Variants in HS3ST5 observed in about 807,000 individuals in gnomAD.
The protein encoded by HS3ST5 is heparan sulfate glucosamine 3-O-sulfotransferase 5.
In HS3ST5, 10 loss-of-function variants were observed where a neutral mutation model predicts 25.4. That is an observed-to-expected ratio of 0.39 (90% CI 0.24 to 0.67). HS3ST5 has a LOEUF of 0.67. Among genes scored for constraint, HS3ST5 ranks in the 30% least tolerant of loss-of-function variants. The pLI, the probability that HS3ST5 is intolerant of heterozygous loss-of-function variation, is 0.44. For synonymous variants in HS3ST5, 170 were observed against 162.4 expected (o/e 1.05, Z -0.36); for missense variants, 324 against 420.7 (o/e 0.77, Z 2.01).
At chr6:114,313,212 A>G (rs1775610056) in intron 1 of HS3ST5, among the ~76,000 whole-genome samples, 1 of 152,120 alleles carries the variant, frequency 6.6e-6, no homozygotes, top group South Asian at 2.1e-4. Context: ...ATACCAAGAT[A>G]TTGGAGATGA....
At chr6:114,195,728 T>G (rs1391559481) in intron 2 of HS3ST5, among the ~76,000 whole-genome samples, 1 of 152,096 alleles carries the variant, frequency 6.6e-6, no homozygotes, top group Non-Finnish European at 1.5e-5. Context: ...AAGAGTGAAC[T>G]TCAGTTGGAG....
chr6:114,330,804 G>A (rs944915654), intron 1 of HS3ST5, among the ~76,000 whole-genome samples: 8 of 152,058 alleles, frequency 5.3e-5, no homozygotes, highest in South Asian at 2.1e-4. Flanking sequence ...TGCAACATGC[G>A]TCATTACCAG....
chr6:114,285,999 C>A (rs919552084), intron 1 of HS3ST5, among the ~76,000 whole-genome samples: 1 of 151,554 alleles, frequency 6.6e-6, no homozygotes, highest in Non-Finnish European at 1.5e-5. Flanking sequence ...GAAATATACA[C>A]GTATGGAAAG....
At chr6:114,125,147 T>A (rs958011224) in intron 3 of HS3ST5, among the ~76,000 whole-genome samples, 27 of 152,184 alleles carry the variant, frequency 1.8e-4, no homozygotes, top group Admixed American at 5.2e-4. Flanking sequence ...TGATTTTTTT[T>A]AAATACAAAA....
intron 2 of HS3ST5, chr6:114,178,634 C>T (rs1424130398): frequency 2.0e-5 from 3 of 152,130 alleles, no homozygotes; most frequent in Non-Finnish European, 4.4e-5. Flanking sequence ...GTTTTAACAC[C>T]TGTTTTCTTT....
At chr6:114,331,321 AG>A (rs746998059) in intron 1 of HS3ST5, among the ~76,000 whole-genome samples, 10 of 152,238 alleles carry the variant, frequency 6.6e-5, no homozygotes, top group Non-Finnish European at 1.0e-4. Flanking sequence ...TATAACTAAA[AG>A]TACAGAGAAT....
intron 1 of HS3ST5, among the ~76,000 whole-genome samples, chr6:114,267,308 T>C (rs1773448221): frequency 6.6e-6 from 1 of 152,212 alleles, no homozygotes; most frequent in South Asian, 2.1e-4. Context: ...CGGAATCTGT[T>C]AGATGAAAAT....
At chr6:114,072,407 G>A (rs1650032873) in intron 3 of HS3ST5, among the ~76,000 whole-genome samples, 1 of 152,084 alleles carries the variant, frequency 6.6e-6, no homozygotes, top group South Asian at 2.1e-4. Flanking sequence ...GAAGCCAGTT[G>A]TTAAAGTCAT....
intron 1 of HS3ST5, among the ~76,000 whole-genome samples, chr6:114,246,422 G>A (rs539401946): frequency 7.2e-5 from 11 of 152,276 alleles, no homozygotes; most frequent in African/African-American, 2.6e-4. Context: ...AATCCATCAA[G>A]CACTATACAT....
chr6:114,169,004 G>C (rs1024731753), intron 2 of HS3ST5, among the ~76,000 whole-genome samples: 1 of 152,012 alleles, frequency 6.6e-6, no homozygotes, highest in Admixed American at 6.6e-5. Context: ...CAGAGTACAT[G>C]TTTGGCTCTA....
intron 1 of HS3ST5, among the ~76,000 whole-genome samples, chr6:114,338,315 A>G (rs1776690465): frequency 1.3e-5 from 2 of 151,722 alleles, no homozygotes; most frequent in Admixed American, 1.3e-4. Context: ...CATTGTGTAT[A>G]TATATACATA....
intron 2 of HS3ST5, among the ~76,000 whole-genome samples, chr6:114,208,938 C>T (rs1451315077): frequency 6.6e-6 from 1 of 152,102 alleles, no homozygotes; most frequent in Non-Finnish European, 1.5e-5. Flanking sequence ...ATACTATAAG[C>T]TCACTAAATA....
intron 3 of HS3ST5, among the ~76,000 whole-genome samples, chr6:114,154,376 G>C (rs1220350807): frequency 6.6e-6 from 1 of 152,152 alleles, no homozygotes; most frequent in Non-Finnish European, 1.5e-5. Context: ...TTTGGATTGA[G>C]ACTGAGTGTG....
intron 3 of HS3ST5, among the ~76,000 whole-genome samples, chr6:114,105,945 A>G (rs1775969915): frequency 6.6e-6 from 1 of 152,176 alleles, no homozygotes; most frequent in Non-Finnish European, 1.5e-5. Flanking sequence ...AATGGATTTG[A>G]CTCCTTGTGG....
intron 3 of HS3ST5, among the ~76,000 whole-genome samples, chr6:114,094,026 G>T (rs547110026): frequency 6.6e-6 from 1 of 152,254 alleles, no homozygotes; most frequent in South Asian, 2.1e-4. Context: ...GTAGAGTAAG[G>T]ATACCAAATA....
chr6:114,100,826 C>T (rs1394238039), intron 3 of HS3ST5, among the ~76,000 whole-genome samples: 1 of 152,156 alleles, frequency 6.6e-6, no homozygotes, highest in Admixed American at 6.6e-5. Flanking sequence ...TGACACTATG[C>T]CAGGCATCAT....
At chr6:114,075,059 G>A (rs1453246014) in intron 3 of HS3ST5, among the ~76,000 whole-genome samples, 1 of 152,192 alleles carries the variant, frequency 6.6e-6, no homozygotes, top group African/African-American at 2.4e-5. Flanking sequence ...TAGTTACTGA[G>A]GACCTGCCAT....
chr6:114,111,959 T>G (rs1228589581), intron 3 of HS3ST5, among the ~76,000 whole-genome samples: 1 of 152,164 alleles, frequency 6.6e-6, no homozygotes, highest in Non-Finnish European at 1.5e-5. Flanking sequence ...CTCCTTTACA[T>G]GACTAGTGTG....
chr6:114,080,171 C>A (rs1184851935), intron 3 of HS3ST5, among the ~76,000 whole-genome samples: 1 of 152,142 alleles, frequency 6.6e-6, no homozygotes, highest in African/African-American at 2.4e-5. Flanking sequence ...GGCATGAAAG[C>A]AACATTAATC....
Sources: allele counts gnomAD v4.1 joint callset (sites outside exome capture counted in the v4.1 genomes callset), GRCh38; gene constraint gnomAD v4.1.1; transcripts MANE v1.5; gene names NCBI Gene and HGNC (gene_info 2026-07-23, HGNC 2026-07-21).